The following COL19A1 variants were observed in gnomAD, a reference collection of about 807,000 sequenced individuals.
COL19A1 encodes the protein collagen alpha-1(XIX) chain.
In COL19A1, 159 loss-of-function variants were observed where a neutral mutation model predicts 190.2. That is an observed-to-expected ratio of 0.84 (90% CI 0.73 to 0.95). The LOEUF (loss-of-function observed/expected upper bound fraction) is 0.95. Among genes scored for constraint, COL19A1 ranks in the 40% least tolerant of loss-of-function variants. The pLI is 0.00. For synonymous variants in COL19A1, 509 were observed against 458.9 expected, an observed-to-expected ratio of 1.11 and a Z score of -1.39; for missense variants, 1,418 against 1,431.9, an observed-to-expected ratio of 0.99 and a Z score of 0.16.
chr6:69,868,735 T>C (rs763377063), intron 1 of COL19A1, among the ~76,000 whole-genome samples: 10 of 152,274 alleles, frequency 6.6e-5, no homozygotes, highest in Non-Finnish European at 1.5e-4. Flanking sequence ...TAGAAAACCA[T>C]CCAAAACAGA....
chr6:69,919,906 G>T (rs1214961242), intron 4 of COL19A1, among the ~76,000 whole-genome samples: 1 of 152,050 alleles, frequency 6.6e-6, no homozygotes, highest in Non-Finnish European at 1.5e-5. Context: ...TACCAAAATA[G>T]AAAAAATAAT....
intron 4 of COL19A1, among the ~76,000 whole-genome samples, chr6:69,905,567 T>A (rs1257836058): frequency 6.6e-6 from 1 of 152,220 alleles, no homozygotes; most frequent in Non-Finnish European, 1.5e-5. Flanking sequence ...CAATTATACC[T>A]TTCACAGACA....
At chr6:70,119,384 G>A (rs1455059380) in intron 16 of COL19A1, among the ~76,000 whole-genome samples, 3 of 152,108 alleles carry the variant, frequency 2.0e-5, no homozygotes, top group South Asian at 2.1e-4. Context: ...TCACTTTCCC[G>A]CCTCCTGCAC....
In COL19A1 at chr6:70,142,792, T is replaced by C. The variant is rs2150236048; in HGVS notation, c.1598T>C (p.Met533Thr). 1.2e-6 allele frequency: 2 copies of C among 1,612,656 alleles called. No individual in the cohort carries two copies. The highest frequency in any genetic ancestry group is 1.7e-6 in the Non-Finnish European group (2 of 1,179,146). Residue 533 changes from methionine (M) to threonine (T), a missense_variant, in exon 23 of 51, where the codon ATG (methionine) becomes ACG (threonine). By Grantham distance (81) the Met-to-Thr change is moderately conservative. Transcript: ENST00000620364. ...LKGQQGSAGSMGPRGPPGDVG... is the reference protein window; with the variant it reads ...LKGQQGSAGSTGPRGPPGDVG... ...GGTCAGCAAGGATCTGCAGGCTCCA[T>C]GGGACCCAGAGGACCGCCAGGAGAT...
At chr6:70,023,877 T>G (rs1410524300) in intron 12 of COL19A1, among the ~76,000 whole-genome samples, 197 bp downstream of exon 12, 1 of 152,240 alleles carries the variant, frequency 6.6e-6, no homozygotes, top group African/African-American at 2.4e-5. Flanking sequence ...TTATGTATTT[T>G]CTACCTGTGC....
intron 36 of COL19A1, 75 bp downstream of exon 36, chr6:70,163,471 G>A (rs1245873508): frequency 1.0e-5 from 14 of 1,384,748 alleles, no homozygotes; most frequent in African/African-American, 1.5e-5. Flanking sequence ...TTCACAGAGA[G>A]AGCCATAAAA....
rs1397265689 is a variant in COL19A1 at position 69,961,824 on chromosome 6, TACTC to T, written c.982-999_982-996del. On this transcript the variant is annotated intron_variant, in intron 10 of 50. Transcript: ENST00000620364. ...TGTGGGTATATATATATAAAAAACA[TACTC>T]ACAAACTAAATATGTATGTATACAT... Among the ~76,000 whole-genome samples, 24 of 152,216 alleles carry T rather than the reference TACTC, an allele frequency of 1.6e-4. No homozygotes were observed. In the East Asian group the frequency reaches 2.5e-3, roughly 16 times the overall value.
In COL19A1 at chr6:70,207,403, A is replaced by G. The variant is rs1347691298; in HGVS notation, c.*129A>G. The G allele has an allele frequency of 9.8e-6, 9 of 919,750 alleles. No homozygotes were observed. The highest frequency in any genetic ancestry group is 1.3e-5 in the Non-Finnish European group (9 of 673,460). 57.0% of individuals were successfully genotyped at this position (919,750 alleles called of 1,614,324 possible). A position where few individuals can be genotyped will look rare whatever the true frequency, so the allele number is the denominator to read the frequency against. On this transcript the variant is annotated 3_prime_UTR_variant, in exon 51 of 51. Coordinates refer to ENST00000620364, the MANE Select transcript of COL19A1 (RefSeq NM_001858.6). ...TTTTTTTTTTGGGAGTAAGCCAGGCATTAAAAGCAACCGTTTGAATCCTAT... is the reference window on the plus strand; with the variant it reads ...TTTTTTTTTTGGGAGTAAGCCAGGCGTTAAAAGCAACCGTTTGAATCCTAT...
At chr6:70,193,024 A>G (rs370555691) in intron 48 of COL19A1, among the ~76,000 whole-genome samples, 12 of 152,208 alleles carry the variant, frequency 7.9e-5, no homozygotes, top group Admixed American at 2.6e-4. Flanking sequence ...ATAAAATCAT[A>G]TATTTAATAG....
chr6:70,034,973 G>C (rs1040451593), intron 13 of COL19A1, among the ~76,000 whole-genome samples: 1 of 152,318 alleles, frequency 6.6e-6, no homozygotes, highest in South Asian at 2.1e-4. Flanking sequence ...AGCCACTTCA[G>C]TGTTCCCTTA....
chr6:70,183,711 C>T (rs916304203), intron 44 of COL19A1, among the ~76,000 whole-genome samples: 1 of 152,178 alleles, frequency 6.6e-6, no homozygotes, highest in Non-Finnish European at 1.5e-5. Flanking sequence ...GTTGGGTTGT[C>T]AACTGTGACA....
At chr6:70,047,569 A>G (rs1779979320) in intron 14 of COL19A1, among the ~76,000 whole-genome samples, 1 of 152,116 alleles carries the variant, frequency 6.6e-6, no homozygotes. Context: ...GTTGTAAATC[A>G]TTACATTCAA....
At chr6:69,919,167 T>G (rs1238269578) in intron 4 of COL19A1, among the ~76,000 whole-genome samples, 1 of 152,226 alleles carries the variant, frequency 6.6e-6, no homozygotes, top group Non-Finnish European at 1.5e-5. Flanking sequence ...GTTCTCTCTC[T>G]GTGTCTTCCC....
intron 15 of COL19A1, among the ~76,000 whole-genome samples, chr6:70,069,462 G>A (rs80302829): frequency 0.05 from 7,670 of 152,014 alleles, 250 homozygotes; most frequent in Non-Finnish European, 0.075. Context: ...TTCTCTTATC[G>A]TATGGATTCT....
chr6:70,068,111 G>A (rs1021562912), intron 14 of COL19A1, among the ~76,000 whole-genome samples: 5 of 151,730 alleles, frequency 3.3e-5, no homozygotes, highest in African/African-American at 1.2e-4. Context: ...TGCAAATATT[G>A]TTACCACTTA....
At chr6:69,956,989 C>A (rs1036211819) in intron 9 of COL19A1, among the ~76,000 whole-genome samples, 9 of 152,014 alleles carry the variant, frequency 5.9e-5, no homozygotes, top group African/African-American at 1.7e-4. Context: ...TAACTTTCTA[C>A]TTTCTGGATC....
At chr6:69,998,097 T>G (rs953045091) in intron 11 of COL19A1, among the ~76,000 whole-genome samples, 1 of 152,062 alleles carries the variant, frequency 6.6e-6, no homozygotes, top group African/African-American at 2.4e-5. Flanking sequence ...AAAAAGAGAT[T>G]GTCAACTATG....
At chr6:69,868,655 G>A (rs1471463902) in intron 1 of COL19A1, among the ~76,000 whole-genome samples, 2 of 152,104 alleles carry the variant, frequency 1.3e-5, no homozygotes, top group Admixed American at 6.5e-5. Context: ...GAGCAAAAAG[G>A]TGAAAGAAAC....
chr6:69,941,789 A>T (rs1014449416), intron 9 of COL19A1, among the ~76,000 whole-genome samples: 1 of 151,750 alleles, frequency 6.6e-6, no homozygotes, highest in Admixed American at 6.6e-5. Context: ...CCCGGGTTCA[A>T]GCGATTCTCC....
Sources: gnomAD v4.1 joint callset for allele counts (sites outside exome capture counted in the v4.1 genomes callset) on GRCh38, gnomAD v4.1.1 for gene constraint, MANE v1.5 for transcripts, NCBI Gene and HGNC (gene_info 2026-07-23, HGNC 2026-07-21) for gene names.